NEGR1: variants seen among roughly 807,000 people sequenced by gnomAD.
NEGR1 encodes the protein neuronal growth regulator 1.
A neutral mutation model predicts 40.9 loss-of-function variants in NEGR1; 10 were observed. The observed-to-expected ratio is 0.24, with a 90% CI of 0.15 to 0.42. The LOEUF (loss-of-function observed/expected upper bound fraction) is 0.42. Ranked by LOEUF, NEGR1 falls within the 10% of genes least tolerant of loss-of-function variation. NEGR1 has a pLI of 1.00. For missense variants in NEGR1, 352 were observed against 438.9 expected, an observed-to-expected ratio of 0.80 and a Z score of 1.77; for synonymous variants, 185 against 166.8, an observed-to-expected ratio of 1.11 and a Z score of -0.84.
intron 1 of NEGR1, among the ~76,000 whole-genome samples, chr1:72,175,728 T>C (rs919072691): frequency 5.3e-5 from 8 of 152,092 alleles, no homozygotes; most frequent in Admixed American, 3.3e-4. Context: ...ATTCTCCATC[T>C]GTAAGAAAAT....
intron 6 of NEGR1, among the ~76,000 whole-genome samples, chr1:71,420,401 A>C (rs762389004): frequency 2.6e-5 from 4 of 152,062 alleles, no homozygotes; most frequent in African/African-American, 4.8e-5. Flanking sequence ...AGTGCTATGG[A>C]GTGCCTGCTA....
intron 2 of NEGR1, among the ~76,000 whole-genome samples, chr1:71,829,025 T>G (rs1393119839): frequency 2.6e-5 from 4 of 151,896 alleles, no homozygotes; most frequent in Non-Finnish European, 4.4e-5. Context: ...TAACCCTCCT[T>G]TTCATTCTCA....
chr1:71,895,459 C>G (rs1434417954), intron 2 of NEGR1, among the ~76,000 whole-genome samples: 2 of 152,190 alleles, frequency 1.3e-5, no homozygotes, highest in Non-Finnish European at 2.9e-5. Context: ...CCTCATTCAT[C>G]CCTTCCTCTT....
At chr1:71,464,277 A>G (rs932718466) in intron 6 of NEGR1, among the ~76,000 whole-genome samples, 2 of 152,114 alleles carry the variant, frequency 1.3e-5, no homozygotes, top group Non-Finnish European at 2.9e-5. Context: ...TATTCCTCAC[A>G]ATGAATAAGA....
intron 2 of NEGR1, among the ~76,000 whole-genome samples, chr1:71,799,808 G>A (rs1657488355): frequency 6.6e-6 from 1 of 152,118 alleles, no homozygotes; most frequent in Admixed American, 6.6e-5. Flanking sequence ...CACGTCCTGG[G>A]TTCAAGCAAT....
At chr1:72,126,715 G>C (rs946576509) in intron 1 of NEGR1, among the ~76,000 whole-genome samples, 7 of 152,126 alleles carry the variant, frequency 4.6e-5, no homozygotes, top group African/African-American at 1.7e-4. Flanking sequence ...ACTGACAGTA[G>C]ACACAAGACT....
intron 6 of NEGR1, among the ~76,000 whole-genome samples, chr1:71,561,379 T>C (rs1329298606): frequency 6.6e-6 from 1 of 151,684 alleles, no homozygotes; most frequent in Non-Finnish European, 1.5e-5. Context: ...ATTTCCGCAG[T>C]TTGGATGATA....
At position 71,406,384 on chromosome 1, in the gene NEGR1, G is replaced by C. The variant is rs966287729; in HGVS notation, c.*1062C>G. On this transcript the variant is annotated 3_prime_UTR_variant, in exon 7 of 7. Transcript: ENST00000357731. ...GCTGCCACAAAATAAAATTAATGAT[G>C]AGCGCTTACCAACTCTTGTAATATT... 1 of 151,760 alleles carries C rather than the reference G, an allele frequency of 6.6e-6. No homozygotes were observed. Among genetic ancestry groups the C allele is most frequent in the Admixed American group, 6.6e-5 (1 of 15,192 alleles). The allele number at this position is 151,760 out of a possible 1,614,324, so 9.4% of individuals were successfully genotyped here.
chr1:72,211,504 C>G (rs1016171178), intron 1 of NEGR1, among the ~76,000 whole-genome samples: 1 of 151,406 alleles, frequency 6.6e-6, no homozygotes, highest in Non-Finnish European at 1.5e-5. Flanking sequence ...AATATATAGT[C>G]ACAGGTTGAA....
At chr1:72,101,364 TA>T (rs1281479123) in intron 1 of NEGR1, among the ~76,000 whole-genome samples, 3 of 152,138 alleles carry the variant, frequency 2.0e-5, no homozygotes, top group Non-Finnish European at 4.4e-5. Flanking sequence ...ACAGAGACCA[TA>T]ATATACTTAA....
intron 1 of NEGR1, among the ~76,000 whole-genome samples, chr1:72,004,679 T>C (rs1368771014): frequency 6.6e-6 from 1 of 152,142 alleles, no homozygotes; most frequent in African/African-American, 2.4e-5. Context: ...ATATATACCA[T>C]AACATCCTTG....
At chr1:71,772,093 A>T (rs1656349758) in intron 3 of NEGR1, among the ~76,000 whole-genome samples, 1 of 152,098 alleles carries the variant, frequency 6.6e-6, no homozygotes, top group Admixed American at 6.6e-5. Flanking sequence ...ATATTATGTG[A>T]CTCCGGATCC....
intron 4 of NEGR1, among the ~76,000 whole-genome samples, chr1:71,631,850 T>C (rs1477104994): frequency 6.6e-6 from 1 of 151,778 alleles, no homozygotes; most frequent in Non-Finnish European, 1.5e-5. Flanking sequence ...AAAGATTTTT[T>C]TGAAAAATTT....
intron 1 of NEGR1, among the ~76,000 whole-genome samples, chr1:72,242,119 G>C (rs950142884): frequency 1.3e-5 from 2 of 151,638 alleles, no homozygotes; most frequent in African/African-American, 4.8e-5. Flanking sequence ...CATTATCATA[G>C]AATATCCTTG....
rs577202034 is a variant in NEGR1, at chr1:71,454,528, T to C, written c.941-46958A>G. ...CTTCTGAGACAAGGATAATTTACAA[T>C]TTATCCAAATATCCAGGTTTCCTTG... On this transcript the variant is annotated intron_variant, in intron 6 of 6. Transcript: ENST00000357731. Among the ~76,000 whole-genome samples, 57 of 147,346 alleles carry C rather than the reference T, an allele frequency of 3.9e-4. 1 individual carries two copies. The South Asian group carries it at 5.8e-3, about 15-fold the overall frequency.
intron 3 of NEGR1, among the ~76,000 whole-genome samples, chr1:71,744,254 G>T (rs912990829): frequency 4.8e-5 from 7 of 145,156 alleles, no homozygotes; most frequent in African/African-American, 1.6e-4. Flanking sequence ...TGTAAAGGAA[G>T]GGTGATAATA....
intron 6 of NEGR1, among the ~76,000 whole-genome samples, chr1:71,580,257 T>C (rs1027571844): frequency 7.1e-6 from 1 of 140,478 alleles, no homozygotes; most frequent in Non-Finnish European, 1.5e-5. Flanking sequence ...AATTGAACAA[T>C]GAGAACACAT....
chr1:71,971,436 G>T (rs1220907487), intron 1 of NEGR1, among the ~76,000 whole-genome samples: 1 of 151,998 alleles, frequency 6.6e-6, no homozygotes, highest in African/African-American at 2.4e-5. Context: ...TGTAAAATTG[G>T]TGTACTAACA....
chr1:71,758,969 C>A (rs1369524711), intron 3 of NEGR1, among the ~76,000 whole-genome samples: 1 of 152,168 alleles, frequency 6.6e-6, no homozygotes, highest in Non-Finnish European at 1.5e-5. Flanking sequence ...ATCAGCACAA[C>A]TTGTATTCAA....
Sources: allele counts gnomAD v4.1 joint callset (sites outside exome capture counted in the v4.1 genomes callset), GRCh38; gene constraint gnomAD v4.1.1; transcripts MANE v1.5; gene names NCBI Gene and HGNC (gene_info 2026-07-23, HGNC 2026-07-21).